Variants in ATF7IP observed in about 807,000 individuals in gnomAD.
ATF7IP encodes activating transcription factor 7-interacting protein 1.
ATF7IP carries 23 observed loss-of-function variants against 106.4 expected under a neutral mutation model. That is an observed-to-expected ratio of 0.22 (90% CI 0.16 to 0.31). The LOEUF is 0.31. Among genes scored for constraint, ATF7IP ranks in the 10% least tolerant of loss-of-function variants. ATF7IP has a pLI of 1.00. For missense variants in ATF7IP, 1,334 were observed against 1,524.3 expected, an observed-to-expected ratio of 0.88 and a Z score of 2.08; for synonymous variants, 542 against 539.0, an observed-to-expected ratio of 1.01 and a Z score of -0.08.
In ATF7IP at chr12:14,498,667, C is replaced by T. The variant is rs1945082375; in HGVS notation, c.*594C>T. The stretch of plus-strand genomic sequence containing the variant: ...GTGAAAAAAGATCTGCAATGGCCCC[C>T]TCCCTTTCCTAATCTGGCTTTTACA... On this transcript the variant is annotated 3_prime_UTR_variant, in exon 15 of 15. Transcript: ENST00000261168. 1 of 152,620 alleles carries T rather than the reference C, an allele frequency of 6.6e-6. No individual in the cohort carries two copies. The highest frequency in any genetic ancestry group is 1.5e-5 in the Non-Finnish European group (1 of 68,042). 9.5% of individuals were successfully genotyped at this position (152,620 alleles called of 1,614,324 possible).
rs908050602 is a variant in ATF7IP at position 14,500,749 on chromosome 12, A to T, written c.*2676A>T. On this transcript the variant is annotated 3_prime_UTR_variant, in exon 15 of 15. Transcript: ENST00000261168. ...AATCTTTTTTAAAAAAAGCTTTCATAGCATTATATAATCAGATGAAGAAAG... is the reference window on the plus strand; with the variant it reads ...AATCTTTTTTAAAAAAAGCTTTCATTGCATTATATAATCAGATGAAGAAAG... 1 of 152,190 alleles carries T rather than the reference A, an allele frequency of 6.6e-6. No individual in the cohort carries two copies. The highest frequency in any genetic ancestry group is 2.4e-5 in the African/African-American group (1 of 41,462). The allele number at this position is 152,190 out of a possible 1,614,324, so 9.4% of individuals were successfully genotyped here. A position where few individuals can be genotyped will look rare whatever the true frequency, so the allele number is the denominator to read the frequency against.
At chr12:14,434,568 A>C (rs1019715642) in intron 3 of ATF7IP, 145 bp downstream of exon 3, 4 of 591,906 alleles carry the variant, frequency 6.8e-6, no homozygotes, top group Non-Finnish European at 1.2e-5. Flanking sequence ...GTTGATGGCT[A>C]ACTGAAGGAT....
intron 7 of ATF7IP, 149 bp downstream of exon 7, chr12:14,456,783 A>G (rs1943443161): frequency 1.6e-6 from 1 of 612,098 alleles, no homozygotes; most frequent in Non-Finnish European, 2.8e-6. Flanking sequence ...TTTCTGCTTC[A>G]TTATATTGTT....
chr12:14,474,633 T>C (rs1354313359), intron 10 of ATF7IP, among the ~76,000 whole-genome samples: 4 of 152,120 alleles, frequency 2.6e-5, no homozygotes, highest in African/African-American at 4.8e-5. Context: ...ACTCCTGACC[T>C]TGTGATTTGC....
chr12:14,471,199 C>A (rs189035885), intron 10 of ATF7IP, among the ~76,000 whole-genome samples: 1 of 152,292 alleles, frequency 6.6e-6, no homozygotes, highest in East Asian at 1.9e-4. Context: ...AAAGCCCCAT[C>A]TATGGTATAT....
chr12:14,478,481 G>A lies in ATF7IP; in HGVS notation c.3097+9G>A. 1 of 1,613,660 alleles carries A rather than the reference G, an allele frequency of 6.2e-7. No individual in the cohort carries two copies. The highest frequency in any genetic ancestry group is 8.5e-7 in the Non-Finnish European group (1 of 1,179,726). On this transcript the variant is annotated intron_variant, in intron 12 of 14. Coordinates refer to ENST00000261168, the MANE Select transcript of ATF7IP (RefSeq NM_018179.5). Reference sequence around the variant, plus strand: ...ACACTTACTACCTACAGGTAAATTTGTTGAATCATTGAGTAGAAGCTTTGG... The same window carrying A: ...ACACTTACTACCTACAGGTAAATTTATTGAATCATTGAGTAGAAGCTTTGG...
At position 14,497,828 on chromosome 12, in the gene ATF7IP, T is replaced by C. The variant is rs1306358380; in HGVS notation, c.3568T>C (p.Cys1190Arg). 1.2e-6 allele frequency: 2 copies of C among 1,614,166 alleles called. No individual in the cohort carries two copies. Among genetic ancestry groups the C allele is most frequent in the Admixed American group, 3.3e-5 (2 of 60,008 alleles). Residue 1190 changes from cysteine (C) to arginine (R), a missense_variant, in exon 15 of 15, where the codon TGT becomes CGT. By Grantham distance (180) the Cys-to-Arg change is radical. Coordinates refer to ENST00000261168, the MANE Select transcript of ATF7IP (RefSeq NM_018179.5). ...SWSVLEVDRS[C>R]ATVDSYHLYA... ...GAGTGTCCTGGAGGTGGATCGAAGC[T>C]GTGCCACTGTTGATAGCTACCATCT... is the stretch of plus-strand genomic sequence containing the variant.
rs1945054691 is a variant in ATF7IP at position 14,497,678 on chromosome 12, G to A, written c.3418G>A (p.Ala1140Thr). 2 of 1,614,030 alleles carry A rather than the reference G, an allele frequency of 1.2e-6. No homozygotes were observed. Among genetic ancestry groups the A allele is most frequent in the Non-Finnish European group, 1.7e-6 (2 of 1,179,942 alleles). The change falls in exon 15 of 15, where the codon GCA becomes ACA. Residue 1140 changes from alanine (A) to threonine (T), a missense_variant. Physicochemically the swap from Ala to Thr is moderately conservative, Grantham distance 58. Transcript: ENST00000261168. ...GGAGCCCCCACGCCCCGTGCACCCA[G>A]CACCCTTACCAGAAGCTCCACAACC... ...HTEPPRPVHP[A>T]PLPEAPQPQR...
At chr12:14,423,676 T>C (rs1360165782) in intron 1 of ATF7IP, 2 of 315,690 alleles carry the variant, frequency 6.3e-6, no homozygotes, top group East Asian at 1.1e-4. Context: ...TTGTCCCTTT[T>C]CCCCCTAATA....
intron 1 of ATF7IP, among the ~76,000 whole-genome samples, chr12:14,391,871 G>A (rs150555618): frequency 0.05 from 7,552 of 152,088 alleles, 635 homozygotes; most frequent in African/African-American, 0.17. Flanking sequence ...ATAGGCGTGC[G>A]CCACCATGCC....
rs182967397 is a variant in ATF7IP, at chr12:14,468,439, G to A, written c.2862+1849G>A. Among the ~76,000 whole-genome samples, 79 of 150,010 alleles carry A rather than the reference G, an allele frequency of 5.3e-4. No individual in the cohort carries two copies. In the East Asian group the frequency reaches 0.014, roughly 26 times the overall value. ...GAGGATCACTTGAGCCCAGGAGGTC[G>A]AAACCAACCTGGGCAGCAAAGTGAG... is the stretch of plus-strand genomic sequence containing the variant. On this transcript the variant is annotated intron_variant, in intron 10 of 14. Transcript: ENST00000261168.
chr12:14,427,502 A>G (rs1941917888), intron 2 of ATF7IP, among the ~76,000 whole-genome samples: 2 of 151,806 alleles, frequency 1.3e-5, no homozygotes. Flanking sequence ...CGTAGCTGGG[A>G]TTATAGGTGC....
intron 12 of ATF7IP, among the ~76,000 whole-genome samples, chr12:14,479,014 A>G (rs1439707838): frequency 2.0e-5 from 3 of 152,216 alleles, no homozygotes; most frequent in South Asian, 2.1e-4. Flanking sequence ...TGTTCACCTA[A>G]TATCTATAAA....
intron 2 of ATF7IP, among the ~76,000 whole-genome samples, chr12:14,428,157 A>T (rs925365594): frequency 5.3e-5 from 8 of 152,194 alleles, no homozygotes; most frequent in African/African-American, 1.9e-4. Flanking sequence ...AAAAGTCTGT[A>T]TAAGAAAGTT....
Position 14,498,114 on chromosome 12 carries a change from C to T in ATF7IP, c.*41C>T. The T allele has an allele frequency of 4.6e-6, 7 of 1,512,196 alleles. No individual in the cohort carries two copies. Among genetic ancestry groups the T allele is most frequent in the South Asian group, 1.3e-5 (1 of 75,504 alleles). 93.7% of individuals were successfully genotyped at this position (1,512,196 alleles called of 1,614,324 possible). On this transcript the variant is annotated 3_prime_UTR_variant, in exon 15 of 15. Coordinates refer to ENST00000261168, the MANE Select transcript of ATF7IP (RefSeq NM_018179.5). The stretch of plus-strand genomic sequence containing the variant: ...TATTTTCCTCTTTTAAAATTTCCAC[C>T]TTTTGGTCTTGTTTTTAATCTTGTG...
chr12:14,446,240 C>G (rs931765832), intron 5 of ATF7IP, among the ~76,000 whole-genome samples: 1 of 151,918 alleles, frequency 6.6e-6, no homozygotes, highest in Non-Finnish European at 1.5e-5. Flanking sequence ...CTCTGCCTCC[C>G]GGGTTCAAGC....
At chr12:14,487,494 C>T (rs1944661824) in intron 13 of ATF7IP, among the ~76,000 whole-genome samples, 1 of 152,172 alleles carries the variant, frequency 6.6e-6, no homozygotes, top group South Asian at 2.1e-4. Context: ...TCACATATCA[C>T]AGGCTTTATT....
intron 1 of ATF7IP, among the ~76,000 whole-genome samples, chr12:14,373,864 T>C (rs1565467845): frequency 6.6e-6 from 1 of 152,090 alleles, no homozygotes; most frequent in Admixed American, 6.6e-5. Context: ...CCCTCTCTGC[T>C]TGCCGTTGAA....
chr12:14,430,615 T>C (rs1942069890), intron 2 of ATF7IP, among the ~76,000 whole-genome samples: 2 of 152,220 alleles, frequency 1.3e-5, no homozygotes, highest in Non-Finnish European at 2.9e-5. Context: ...TAGTTCCTTA[T>C]CTGTGAATTG....
Sources: allele counts gnomAD v4.1 joint callset (sites outside exome capture counted in the v4.1 genomes callset), GRCh38; gene constraint gnomAD v4.1.1; transcripts MANE v1.5; gene names NCBI Gene and HGNC (gene_info 2026-07-23, HGNC 2026-07-21).